Variants in MTMR7 observed in about 807,000 individuals in gnomAD.
The protein encoded by MTMR7 is phosphatidylinositol-3-phosphate phosphatase MTMR7.
Under a neutral mutation model 81.2 loss-of-function variants are expected in MTMR7, and 76 were observed. The observed-to-expected ratio is 0.94, with a 90% confidence interval of 0.78 to 1.13. MTMR7 has a LOEUF of 1.13. Among genes scored for constraint, MTMR7 ranks in the 50% most tolerant of loss-of-function variants. The probability of loss-of-function intolerance (pLI) is 0.00; values close to 1 mark genes in which losing one functional copy is unlikely to be tolerated. For missense variants in MTMR7, 1,044 were observed against 820.0 expected, an observed-to-expected ratio of 1.27 and a Z score of -3.34; for synonymous variants, 372 against 289.8, an observed-to-expected ratio of 1.28 and a Z score of -2.88.
chr8:17,346,024 T>C (rs1233784126), intron 5 of MTMR7: 1 of 152,194 alleles, frequency 6.6e-6, no homozygotes, highest in Non-Finnish European at 1.5e-5. Context: ...CTGTTTACTT[T>C]TTGTGGGAGA....
rs773975884 is a variant in MTMR7 at position 17,380,663 on chromosome 8, G to A, written c.25-7423C>T. 1.5e-4 allele frequency among the ~76,000 whole-genome samples: 23 copies of A among 151,906 alleles called. No individual in the cohort carries two copies. The East Asian group carries it at 1.7e-3, about 12-fold the overall frequency. On this transcript the variant is annotated intron_variant, in intron 1 of 13. Coordinates refer to ENST00000180173, the MANE Select transcript of MTMR7 (RefSeq NM_004686.5). ...CTCAAATTCAAAGGGCAGGACACCC[G>A]TGCTAGAGCTAAGGTCTGTCTAACT...
intron 2 of MTMR7, among the ~76,000 whole-genome samples, chr8:17,372,082 G>A (rs1018472209): frequency 3.3e-5 from 5 of 151,896 alleles, no homozygotes; most frequent in African/African-American, 1.2e-4. Context: ...CTCTAAAGAG[G>A]AGATTAACTT....
chr8:17,345,984 G>C (rs879905182), intron 5 of MTMR7: 8 of 152,186 alleles, frequency 5.3e-5, no homozygotes, highest in Admixed American at 3.3e-4. Flanking sequence ...AGAGAAGAAA[G>C]ACAGATCAGC....
intron 7 of MTMR7, 62 bp from the exon 8 acceptor site, chr8:17,313,463 A>T: frequency 1.9e-6 from 2 of 1,079,368 alleles, no homozygotes; most frequent in South Asian, 2.9e-5. Flanking sequence ...ACATATGATC[A>T]TGTTTTATAG....
At chr8:17,373,497 T>C (rs963604836) in intron 1 of MTMR7, among the ~76,000 whole-genome samples, 3 of 141,818 alleles carry the variant, frequency 2.1e-5, no homozygotes, top group Admixed American at 7.0e-5. Flanking sequence ...CTATTAAGAA[T>C]ACCCTCTCTG....
intron 1 of MTMR7, among the ~76,000 whole-genome samples, chr8:17,410,582 G>A (rs950850130): frequency 3.3e-5 from 5 of 152,282 alleles, no homozygotes; most frequent in South Asian, 2.1e-4. Flanking sequence ...CCTGTCCTTG[G>A]AACTTTTTTT....
At chr8:17,412,742 T>C (rs1159761939) in intron 1 of MTMR7, among the ~76,000 whole-genome samples, 1 of 152,198 alleles carries the variant, frequency 6.6e-6, no homozygotes, top group Non-Finnish European at 1.5e-5. Flanking sequence ...CCGTTCTGTG[T>C]AAGGCCCCTT....
intron 1 of MTMR7, among the ~76,000 whole-genome samples, chr8:17,394,205 G>C (rs973845867): frequency 2.6e-5 from 4 of 152,128 alleles, no homozygotes; most frequent in African/African-American, 9.7e-5. Context: ...ATACCCAAGA[G>C]AACTGATAAC....
intron 6 of MTMR7, among the ~76,000 whole-genome samples, chr8:17,340,667 T>C (rs1819381034): frequency 6.6e-6 from 1 of 152,214 alleles, no homozygotes. Flanking sequence ...CCTTGATGTC[T>C]AGATATATTA....
At chr8:17,342,004 A>T (rs562073081) in intron 5 of MTMR7, among the ~76,000 whole-genome samples, 17 of 152,228 alleles carry the variant, frequency 1.1e-4, no homozygotes, top group African/African-American at 3.4e-4. Context: ...TTTCACGGTG[A>T]CAAGAGCCCA....
At chr8:17,322,043 T>C (rs1818417769) in intron 7 of MTMR7, among the ~76,000 whole-genome samples, 1 of 152,138 alleles carries the variant, frequency 6.6e-6, no homozygotes, top group South Asian at 2.1e-4. Flanking sequence ...TTGAACCCTG[T>C]GGGGTTGGTC....
chr8:17,314,407 C>T (rs1817954851), intron 7 of MTMR7, among the ~76,000 whole-genome samples: 1 of 152,098 alleles, frequency 6.6e-6, no homozygotes. Context: ...GTCTCTGAGC[C>T]TCAATTTCTT....
At chr8:17,393,894 T>G (rs907041091) in intron 1 of MTMR7, among the ~76,000 whole-genome samples, 4 of 152,066 alleles carry the variant, frequency 2.6e-5, no homozygotes, top group African/African-American at 9.7e-5. Flanking sequence ...GAACAAAGAA[T>G]CTTAACAGAT....
At chr8:17,318,918 A>C (rs891913698) in intron 7 of MTMR7, among the ~76,000 whole-genome samples, 2 of 152,076 alleles carry the variant, frequency 1.3e-5, no homozygotes, top group African/African-American at 2.4e-5. Context: ...TCACATCTCC[A>C]ACGTCTCCTG....
rs1216269648 is a variant in MTMR7, at chr8:17,297,278, C to T, written c.*2584G>A. The T allele has an allele frequency of 6.6e-6, 1 of 151,990 alleles. No individual in the cohort carries two copies. The highest frequency in any genetic ancestry group is 1.5e-5 in the Non-Finnish European group (1 of 67,948). The allele number at this position is 151,990 out of a possible 1,614,324, so 9.4% of individuals were successfully genotyped here. ...AAATAGAAGAAAATTCTAAATCAAT[C>T]AATCAGTGAGATATAAACTAAACAG... On this transcript the variant is annotated 3_prime_UTR_variant, in exon 14 of 14. Coordinates refer to ENST00000180173, the MANE Select transcript of MTMR7 (RefSeq NM_004686.5).
intron 5 of MTMR7, among the ~76,000 whole-genome samples, chr8:17,347,939 T>C (rs1819608509): frequency 1.3e-5 from 2 of 152,130 alleles, no homozygotes; most frequent in Admixed American, 6.5e-5. Context: ...TGTACTGAAG[T>C]GACCTCTTGC....
At chr8:17,393,974 G>C (rs112323027) in intron 1 of MTMR7, among the ~76,000 whole-genome samples, 1 of 152,146 alleles carries the variant, frequency 6.6e-6, no homozygotes, top group Non-Finnish European at 1.5e-5. Flanking sequence ...TTAGCTACCA[G>C]GTACATGCAA....
chr8:17,322,074 G>A (rs1157475478), intron 7 of MTMR7, among the ~76,000 whole-genome samples: 1 of 152,118 alleles, frequency 6.6e-6, no homozygotes, highest in African/African-American at 2.4e-5. Context: ...CCTGAGATCT[G>A]AAGTTGAAAC....
At chr8:17,361,766 C>A (rs1298987567) in intron 3 of MTMR7, among the ~76,000 whole-genome samples, 1 of 152,112 alleles carries the variant, frequency 6.6e-6, no homozygotes, top group African/African-American at 2.4e-5. Context: ...TGAAAAAACT[C>A]TGGAATATAC....
Sources: gnomAD v4.1 joint callset for allele counts (sites outside exome capture counted in the v4.1 genomes callset) on GRCh38, gnomAD v4.1.1 for gene constraint, MANE v1.5 for transcripts, NCBI Gene and HGNC (gene_info 2026-07-23, HGNC 2026-07-21) for gene names.